The following PRIMPOL variants were observed in gnomAD, a reference collection of about 807,000 sequenced individuals.
PRIMPOL encodes the protein DNA-directed primase/polymerase protein.
A neutral mutation model predicts 63.6 loss-of-function variants in PRIMPOL; 54 were observed. The ratio of observed to expected loss-of-function variants is 0.85; its 90% CI spans 0.68 to 1.07. The LOEUF (loss-of-function observed/expected upper bound fraction) is 1.07. Among genes scored for constraint, PRIMPOL ranks in the 50% least tolerant of loss-of-function variants. PRIMPOL has a pLI of 0.00. For missense variants in PRIMPOL, 610 were observed against 648.3 expected (o/e 0.94, Z 0.64); for synonymous variants, 197 against 220.2 (o/e 0.89, Z 0.93).
At position 184,687,279 on chromosome 4, in the gene PRIMPOL, T is replaced by C. The variant is rs1447532236; in HGVS notation, c.1295+1595T>C. Among the ~76,000 whole-genome samples the C allele has an allele frequency of 3.3e-5, 5 of 152,156 alleles. No individual in the cohort carries two copies. The East Asian group carries it at 5.8e-4, about 18-fold the overall frequency. ...AGAGACGGAGTTTCACTATGTTGGC[T>C]GGGCTGGTCTCAAACTCCTGACCTC... On this transcript the variant is annotated intron_variant, in intron 11 of 13. Transcript: ENST00000314970.
chr4:184,664,052 G>C (rs1749124270), intron 5 of PRIMPOL, among the ~76,000 whole-genome samples: 1 of 152,066 alleles, frequency 6.6e-6, no homozygotes, highest in Non-Finnish European at 1.5e-5. Context: ...TATTTTATTA[G>C]GACCACATTT....
At chr4:184,693,701 C>A (rs1307548381) in intron 13 of PRIMPOL, among the ~76,000 whole-genome samples, 1 of 152,190 alleles carries the variant, frequency 6.6e-6, no homozygotes, top group Non-Finnish European at 1.5e-5. Context: ...TTGAGATCTG[C>A]CATTTGTTAA....
chr4:184,651,401 A>C (rs1229071382), intron 1 of PRIMPOL, among the ~76,000 whole-genome samples: 1 of 152,196 alleles, frequency 6.6e-6, no homozygotes, highest in Non-Finnish European at 1.5e-5. Context: ...ATCCCTCCTG[A>C]ATTGAGTGAA....
intron 11 of PRIMPOL, among the ~76,000 whole-genome samples, chr4:184,689,083 CGCCCAGGCTTGAGTGCAGTGTGATG>C (rs574907213): frequency 6.7e-6 from 1 of 150,050 alleles, no homozygotes; most frequent in Non-Finnish European, 1.5e-5. Context: ...CTCGCCCTGT[CGCCCAGGCTTGAGTGCAGTGTGATG>C]GCCCAGGCTT....
intron 11 of PRIMPOL, among the ~76,000 whole-genome samples, chr4:184,691,168 C>A (rs1758420927): frequency 6.6e-6 from 1 of 151,838 alleles, no homozygotes; most frequent in African/African-American, 2.4e-5. Context: ...TTTTTAAAAA[C>A]CTTGATTTAT....
In PRIMPOL at chr4:184,657,320, A is replaced by C. The variant is rs1746735811; in HGVS notation, c.180A>C (p.Glu60Asp). ...QAFNFVKSCK[E>D]DVHVFALECK... ...TTAATTTTGTTAAAAGCTGTAAAGA[A>C]GTAATTTCCTCCTCCTCCTCTTCTT... The change falls in exon 3 of 14, where the codon GAA becomes GAC. Residue 60 changes from glutamate to aspartate, a missense_variant and splice_region_variant. Around this residue, in one of 3 missense-constraint regions of PRIMPOL, gnomAD observed 159 missense variants for 168.9 expected, o/e 0.94. Transcript: ENST00000314970. The C allele has an allele frequency of 1.9e-6, 3 of 1,603,256 alleles. No homozygotes were observed. The highest frequency in any genetic ancestry group is 2.6e-6 in the Non-Finnish European group (3 of 1,175,084).
At chr4:184,669,423 T>G (rs944466775) in intron 6 of PRIMPOL, among the ~76,000 whole-genome samples, 1 of 152,176 alleles carries the variant, frequency 6.6e-6, no homozygotes, top group Non-Finnish European at 1.5e-5. Flanking sequence ...CCCTTCCAAA[T>G]GAAGCGTGAA....
chr4:184,666,119 T>A lies in PRIMPOL; in HGVS notation c.556+55T>A, dbSNP rs538547504. The A allele has an allele frequency of 3.7e-6, 5 of 1,361,156 alleles. No individual in the cohort carries two copies. The East Asian group carries it at 9.6e-5, about 26-fold the overall frequency. The allele number at this position is 1,361,156 out of a possible 1,614,324, so 84.3% of individuals were successfully genotyped here. On this transcript the variant is annotated intron_variant, in intron 6 of 13. Coordinates refer to ENST00000314970, the MANE Select transcript of PRIMPOL (RefSeq NM_152683.4). ...AGTTGTATTCAAAACTCATATGTTC[T>A]TATTCCTCTTAAAATTTTGTGTGTA...
chr4:184,693,752 C>T (rs567762792), intron 13 of PRIMPOL, among the ~76,000 whole-genome samples: 17 of 146,450 alleles, frequency 1.2e-4, no homozygotes, highest in African/African-American at 2.9e-4. Flanking sequence ...TGTATACATA[C>T]GCATTATTTT....
intron 13 of PRIMPOL, among the ~76,000 whole-genome samples, chr4:184,692,471 C>CAAAAAAAAAAA (rs60321808): frequency 1.4e-5 from 1 of 73,806 alleles, no homozygotes; most frequent in African/African-American, 4.1e-5. Context: ...GACTCTGCCT[C>CAAAAAAAAAAA]AAAAAAAAAA....
At chr4:184,671,963 A>G (rs1002103559) in intron 6 of PRIMPOL, among the ~76,000 whole-genome samples, 2 of 151,910 alleles carry the variant, frequency 1.3e-5, no homozygotes, top group Non-Finnish European at 1.5e-5. Context: ...GATGGTCTCG[A>G]TCTCCCGACC....
intron 11 of PRIMPOL, among the ~76,000 whole-genome samples, chr4:184,687,694 A>C (rs1389971821): frequency 6.6e-6 from 1 of 152,118 alleles, no homozygotes; most frequent in East Asian, 1.9e-4. Flanking sequence ...GGCTCACTGC[A>C]ACCTCTGTCT....
intron 9 of PRIMPOL, among the ~76,000 whole-genome samples, chr4:184,683,239 T>C (rs971578198): frequency 1.3e-5 from 2 of 152,166 alleles, no homozygotes; most frequent in Non-Finnish European, 2.9e-5. Flanking sequence ...GAGAACAGCC[T>C]GGCCAACATG....
chr4:184,669,598 C>T (rs1182280456), intron 6 of PRIMPOL, among the ~76,000 whole-genome samples: 3 of 152,204 alleles, frequency 2.0e-5, no homozygotes, highest in African/African-American at 7.2e-5. Flanking sequence ...TTGTGAGGTA[C>T]CAGCAGTTTC....
intron 2 of PRIMPOL, among the ~76,000 whole-genome samples, chr4:184,654,940 C>T (rs1745881243): frequency 6.6e-6 from 1 of 151,974 alleles, no homozygotes; most frequent in South Asian, 2.1e-4. Flanking sequence ...CGATTGATGT[C>T]AAATTTGAAA....
intron 1 of PRIMPOL, among the ~76,000 whole-genome samples, chr4:184,651,484 G>A (rs1455798700): frequency 6.6e-6 from 1 of 152,082 alleles, no homozygotes; most frequent in African/African-American, 2.4e-5. Context: ...CCTTAACAGT[G>A]GCTCTGCAGA....
intron 9 of PRIMPOL, among the ~76,000 whole-genome samples, chr4:184,683,915 AT>A (rs968176705): frequency 6.6e-6 from 1 of 151,276 alleles, no homozygotes; most frequent in African/African-American, 2.5e-5. Context: ...GAAAACACCC[AT>A]TTGTGATGTT....
intron 13 of PRIMPOL, chr4:184,694,102 A>T: frequency 4.6e-6 from 2 of 430,382 alleles, no homozygotes; most frequent in Non-Finnish European, 6.2e-6. Flanking sequence ...AACTGTTTTT[A>T]ATCTTTTTTC....
At chr4:184,652,845 A>G (rs1323623637) in intron 2 of PRIMPOL, among the ~76,000 whole-genome samples, 2 of 149,586 alleles carry the variant, frequency 1.3e-5, no homozygotes, top group Non-Finnish European at 2.9e-5. Flanking sequence ...AGTGATGAGA[A>G]AAAAAGAAAA....
Sources: allele counts gnomAD v4.1 joint callset (sites outside exome capture counted in the v4.1 genomes callset), GRCh38; gene constraint gnomAD v4.1.1; regional missense constraint gnomAD v4.1.1; transcripts MANE v1.5; gene names NCBI Gene and HGNC (gene_info 2026-07-23, HGNC 2026-07-21).